TMEM68: variants seen among roughly 807,000 people sequenced by gnomAD.
TMEM68 encodes the protein transmembrane protein 68.
TMEM68 carries 25 observed loss-of-function variants against 36.9 expected under a neutral mutation model. The ratio of observed to expected loss-of-function variants is 0.68; its 90% CI spans 0.49 to 0.95. The LOEUF is 0.95. Ranked by LOEUF, TMEM68 falls within the 40% of genes least tolerant of loss-of-function variation. TMEM68 has a pLI of 0.00. For synonymous variants in TMEM68, 131 were observed against 124.4 expected (o/e 1.05, Z -0.35); for missense variants, 333 against 392.0 (o/e 0.85, Z 1.27).
intron 4 of TMEM68, among the ~76,000 whole-genome samples, chr8:55,754,596 TG>T (rs1392915194): frequency 7.4e-6 from 1 of 135,404 alleles, no homozygotes; most frequent in Non-Finnish European, 1.5e-5. Context: ...ACATATATTA[TG>T]TAATATATAT....
Position 55,756,290 on chromosome 8 carries a change from G to A in TMEM68, c.447C>T (p.Gly149=). 1 of 1,606,000 alleles carries A rather than the reference G, an allele frequency of 6.2e-7. No homozygotes were observed. The highest frequency in any genetic ancestry group is 8.5e-7 in the Non-Finnish European group (1 of 1,178,068). The part of the protein sequence containing the change: ...YFMAKIFIHK[G]RTCRVVADHF... ...GATCAGCTACTACTCGGCAAGTTCT[G>A]CCTTTGTGTATAAATATTTTAGCCA... Residue 149 remains glycine, a synonymous_variant, in exon 4 of 8, where the codon GGC becomes GGT. Coordinates refer to ENST00000434581, the MANE Select transcript of TMEM68 (RefSeq NM_001286657.2).
Position 55,745,110 on chromosome 8 carries a change from A to G in TMEM68, c.699T>C (p.Pro233=). Residue 233 remains proline (P), a synonymous_variant, in exon 6 of 8, where the codon CCT becomes CCC. Coordinates refer to ENST00000434581, the MANE Select transcript of TMEM68 (RefSeq NM_001286657.2). The part of the protein sequence containing the change: ...VAIDAKVPII[P]MFTQNIREGF... ...CTTCTCGAATATTTTGTGTAAACATAGGAATAATGGGCTAAAGAAAAGGAG... is the reference window on the plus strand; with the variant it reads ...CTTCTCGAATATTTTGTGTAAACATGGGAATAATGGGCTAAAGAAAAGGAG... The G allele has an allele frequency of 6.7e-7, 1 of 1,496,626 alleles. No individual in the cohort carries two copies. The highest frequency in any genetic ancestry group is 8.9e-7 in the Non-Finnish European group (1 of 1,125,374). 92.7% of individuals were successfully genotyped at this position (1,496,626 alleles called of 1,614,324 possible). A position where few individuals can be genotyped will look rare whatever the true frequency, so the allele number is the denominator to read the frequency against.
intron 4 of TMEM68, among the ~76,000 whole-genome samples, chr8:55,754,490 CACAT>C (rs1179558040): frequency 5.2e-5 from 6 of 116,010 alleles, no homozygotes; most frequent in South Asian, 5.4e-4. Context: ...CACACACACA[CACAT>C]ACATACACAC....
In TMEM68 at chr8:55,743,601, A is replaced by G; in HGVS notation, c.768T>C (p.Tyr256=). Residue 256 remains tyrosine, a synonymous_variant, in exon 7 of 8, where the codon TAT becomes TAC. Transcript: ENST00000434581. Reference sequence around the variant, plus strand: ...GAGCAAATGGATAGCGGAATTTTTCATAAAGCCACCTAAATAACCCTGTTT... The same window carrying G: ...GAGCAAATGGATAGCGGAATTTTTCGTAAAGCCACCTAAATAACCCTGTTT... ...LGGTRLFRWL[Y]EKFRYPFAPM... is the part of the protein sequence containing the mutation. The G allele has an allele frequency of 2.0e-6, 3 of 1,535,284 alleles. No homozygotes were observed. Among genetic ancestry groups the G allele is most frequent in the Non-Finnish European group, 2.6e-6 (3 of 1,146,610 alleles).
At chr8:55,764,585 C>T (rs13275317) in intron 1 of TMEM68, among the ~76,000 whole-genome samples, 2 of 152,256 alleles carry the variant, frequency 1.3e-5, no homozygotes, top group Non-Finnish European at 1.5e-5. Flanking sequence ...GATTATCTTG[C>T]TAACTGGCTT....
At chr8:55,750,456 T>TAA (rs1438429352) in intron 5 of TMEM68, among the ~76,000 whole-genome samples, 1 of 151,184 alleles carries the variant, frequency 6.6e-6, no homozygotes, top group Non-Finnish European at 1.5e-5. Flanking sequence ...TTTCATAGGC[T>TAA]AAAGTACAAT....
chr8:55,769,685 T>G (rs1050160482), intron 1 of TMEM68, among the ~76,000 whole-genome samples: 6 of 152,134 alleles, frequency 3.9e-5, no homozygotes, highest in Non-Finnish European at 8.8e-5. Flanking sequence ...CAGGCTGGAC[T>G]GCAGTGGCTC....
At chr8:55,764,987 G>A (rs190024222) in intron 1 of TMEM68, among the ~76,000 whole-genome samples, 10 of 152,130 alleles carry the variant, frequency 6.6e-5, no homozygotes, top group African/African-American at 1.7e-4. Flanking sequence ...CAGGAGAAAC[G>A]CTTGAACCTG....
At chr8:55,743,331 C>T in intron 7 of TMEM68, 150 bp downstream of exon 7, 1 of 1,029,704 alleles carries the variant, frequency 9.7e-7, no homozygotes, top group Non-Finnish European at 1.3e-6. Context: ...CAGGGATTAG[C>T]AAATGTTCCC....
intron 4 of TMEM68, 91 bp from the exon 5 acceptor site, chr8:55,751,248 T>TGTAG: frequency 8.6e-7 from 1 of 1,156,676 alleles, no homozygotes; most frequent in Non-Finnish European, 1.2e-6. Flanking sequence ...TAGTGTACTA[T>TGTAG]TTATACTTAA....
At chr8:55,740,689 T>A (rs1810074370) in intron 7 of TMEM68, among the ~76,000 whole-genome samples, 1 of 152,158 alleles carries the variant, frequency 6.6e-6, no homozygotes. Context: ...CCTTTCCAGC[T>A]ATTAGTAAAT....
chr8:55,758,491 G>C (rs1352433058), intron 3 of TMEM68, among the ~76,000 whole-genome samples: 1 of 152,242 alleles, frequency 6.6e-6, no homozygotes, highest in Non-Finnish European at 1.5e-5. Context: ...GAAACTATCA[G>C]ATGGAAACTA....
At chr8:55,756,694 G>A (rs1280425267) in intron 3 of TMEM68, among the ~76,000 whole-genome samples, 1 of 152,186 alleles carries the variant, frequency 6.6e-6, no homozygotes, top group African/African-American at 2.4e-5. Context: ...GTGGTGCGGA[G>A]TGGGGAGTCA....
chr8:55,753,582 C>A (rs1810483071), intron 4 of TMEM68, among the ~76,000 whole-genome samples: 1 of 152,144 alleles, frequency 6.6e-6, no homozygotes, highest in Non-Finnish European at 1.5e-5. Flanking sequence ...TTTATAGGCA[C>A]TGAAGTAGAT....
At chr8:55,752,456 G>A (rs758212624) in intron 4 of TMEM68, among the ~76,000 whole-genome samples, 10 of 151,438 alleles carry the variant, frequency 6.6e-5, no homozygotes, top group Admixed American at 1.3e-4. Context: ...GCATGGTGGC[G>A]CACGCTTGTA....
At chr8:55,746,188 T>C (rs1241348289) in intron 5 of TMEM68, 4 of 150,896 alleles carry the variant, frequency 2.7e-5, no homozygotes, top group Non-Finnish European at 4.4e-5. Context: ...CGGTGGTACG[T>C]GCCTGTAGTC....
Position 55,754,113 on chromosome 8 carries a change from T to TAC in TMEM68, c.493+2129_493+2130dup, listed in dbSNP as rs1212649823. On this transcript the variant is annotated intron_variant, in intron 4 of 7. Transcript: ENST00000434581. Reference sequence around the variant, plus strand: ...TTCTCAAAATGAATAAATATGTATATACACACACACACACATACACACATA... The same window carrying TAC: ...TTCTCAAAATGAATAAATATGTATATACACACACACACACACATACACACATA... Among the ~76,000 whole-genome samples the TAC allele has an allele frequency of 2.7e-3, 402 of 149,512 alleles. 1 individual carries two copies. The highest frequency in any genetic ancestry group is 8.2e-3 in the African/African-American group (334 of 40,730).
intron 2 of TMEM68, chr8:55,763,631 A>AC (rs1163313701): frequency 1.3e-4 from 20 of 152,086 alleles, no homozygotes; most frequent in African/African-American, 4.1e-4. Context: ...CAAGTGGTCC[A>AC]CCCACCTCAG....
At chr8:55,750,814 A>G in intron 5 of TMEM68, 150 bp downstream of exon 5, 1 of 699,054 alleles carries the variant, frequency 1.4e-6, no homozygotes, top group Non-Finnish European at 2.3e-6. Context: ...CTGAGATTAC[A>G]GGCGTGAGCT....
Sources: gnomAD v4.1 joint callset for allele counts (sites outside exome capture counted in the v4.1 genomes callset) on GRCh38, gnomAD v4.1.1 for gene constraint, MANE v1.5 for transcripts, NCBI Gene and HGNC (gene_info 2026-07-23, HGNC 2026-07-21) for gene names.